The following FRY variants were observed in gnomAD, a reference collection of about 807,000 sequenced individuals.
FRY encodes protein furry homolog.
Under a neutral mutation model 348.4 loss-of-function variants are expected in FRY, and 128 were observed. The ratio of observed to expected loss-of-function variants is 0.37; its 90% CI spans 0.32 to 0.43. The LOEUF (loss-of-function observed/expected upper bound fraction) is 0.43. FRY is among the 20% of genes least tolerant of loss of function. FRY has a pLI of 1.00. For missense variants in FRY, 2,736 were observed against 3,695.2 expected (o/e 0.74, Z 6.73); for synonymous variants, 1,370 against 1,374.7 (o/e 1.00, Z 0.08).
chr13:32,160,931 G>A (rs1216565568), intron 16 of FRY, among the ~76,000 whole-genome samples: 1 of 152,144 alleles, frequency 6.6e-6, no homozygotes, highest in African/African-American at 2.4e-5. Context: ...TTTCTTTTCA[G>A]ATATATACCT....
At chr13:32,069,604 G>A (rs868564080) in intron 1 of FRY, among the ~76,000 whole-genome samples, 1 of 152,168 alleles carries the variant, frequency 6.6e-6, no homozygotes, top group South Asian at 2.1e-4. Context: ...ATATTATTCA[G>A]CCTTAACAAG....
intron 1 of FRY, among the ~76,000 whole-genome samples, chr13:32,053,621 AC>A (rs1303433612): frequency 6.6e-6 from 1 of 152,228 alleles, no homozygotes; most frequent in Non-Finnish European, 1.5e-5. Flanking sequence ...CAGAGTCCAT[AC>A]TTGGCCTCAT....
intron 1 of FRY, among the ~76,000 whole-genome samples, chr13:32,033,921 G>A (rs1234015046): frequency 3.3e-5 from 5 of 152,214 alleles, no homozygotes; most frequent in Non-Finnish European, 5.9e-5. Context: ...CATATTTTGA[G>A]CAGCAAAGAG....
At chr13:32,141,969 GTTAA>G (rs1269795132) in intron 11 of FRY, among the ~76,000 whole-genome samples, 1 of 152,038 alleles carries the variant, frequency 6.6e-6, no homozygotes, top group Non-Finnish European at 1.5e-5. Flanking sequence ...TTAATTATTG[GTTAA>G]TTAATTAAGG....
chr13:32,192,687 T>G (rs2138290464), intron 28 of FRY, among the ~76,000 whole-genome samples: 1 of 151,692 alleles, frequency 6.6e-6, no homozygotes, highest in East Asian at 1.9e-4. Context: ...TTCCACCTGG[T>G]TTCAACTGAC....
chr13:32,125,469 G>A (rs1878962312), intron 7 of FRY, among the ~76,000 whole-genome samples: 1 of 152,132 alleles, frequency 6.6e-6, no homozygotes, highest in African/African-American at 2.4e-5. Flanking sequence ...GCTTCATTTT[G>A]TCCAACCCTG....
chr13:32,161,186 T>G lies in FRY; in HGVS notation c.1827T>G (p.Val609=), dbSNP rs375331321. 6.2e-7 allele frequency: 1 copy of G among 1,613,628 alleles called. No homozygotes were observed. Among genetic ancestry groups the G allele is most frequent in the African/African-American group, 1.3e-5 (1 of 74,938 alleles). Residue 609 remains valine (V), a synonymous_variant, in exon 17 of 61, where the codon GTT becomes GTG. Coordinates refer to ENST00000542859, the MANE Select transcript of FRY (RefSeq NM_023037.3). Reference sequence around the variant, plus strand: ...AAATAGATCTTTTCAGGACCTGTGTTGCTGCTATTCCTCGACTGCTTCCTG... The same window carrying G: ...AAATAGATCTTTTCAGGACCTGTGTGGCTGCTATTCCTCGACTGCTTCCTG... The part of the protein sequence containing the change: ...KPKIDLFRTC[V]AAIPRLLPDG...
intron 1 of FRY, among the ~76,000 whole-genome samples, chr13:32,056,285 C>G (rs1207492601): frequency 1.3e-5 from 2 of 151,936 alleles, no homozygotes; most frequent in African/African-American, 4.8e-5. Context: ...TTCACACAGT[C>G]TGTGCCCAAT....
At chr13:32,267,886 T>A (rs554780558) in intron 55 of FRY, among the ~76,000 whole-genome samples, 203 of 152,358 alleles carry the variant, frequency 1.3e-3, no homozygotes, top group African/African-American at 4.5e-3. Flanking sequence ...TTTTATGAAA[T>A]GGGAACATGC....
chr13:32,188,872 G>A (rs1305211206), intron 28 of FRY, among the ~76,000 whole-genome samples: 4 of 151,984 alleles, frequency 2.6e-5, no homozygotes, highest in Non-Finnish European at 4.4e-5. Flanking sequence ...TTTGGTGCCC[G>A]TCACATGGAA....
rs1357125651 is a variant in FRY, at chr13:32,250,616, G to A, written c.7170+929G>A. Among the ~76,000 whole-genome samples, 3 of 152,328 alleles carry A rather than the reference G, an allele frequency of 2.0e-5. No individual in the cohort carries two copies. The East Asian group carries it at 5.8e-4, about 29-fold the overall frequency. ...AATTCTGAAAGATCTTGCAGGACAT[G>A]CGAGGGAGGCATAGCCTCACTTAGT... On this transcript the variant is annotated intron_variant, in intron 49 of 60. Coordinates refer to ENST00000542859, the MANE Select transcript of FRY (RefSeq NM_023037.3).
chr13:32,262,403 T>A lies in FRY; in HGVS notation c.7707T>A (p.Phe2569Leu), dbSNP rs1566177739. 1.2e-6 allele frequency: 2 copies of A among 1,613,536 alleles called. No homozygotes were observed. The highest frequency in any genetic ancestry group is 2.2e-5 in the East Asian group (1 of 44,876). ...CGACCCCTGCAGAACCTCATTCCTTTAACACCAGAATGTCCAGCTTTGATG... is the reference window on the plus strand; with the variant it reads ...CGACCCCTGCAGAACCTCATTCCTTAAACACCAGAATGTCCAGCTTTGATG... ...CDSTPAEPHS[F>L]NTRMSSFDAS... is the part of the protein sequence containing the mutation. The change falls in exon 53 of 61, where the codon TTT (phenylalanine) becomes TTA (leucine). Residue 2569 changes from phenylalanine to leucine, a missense_variant. By Grantham distance (22) the Phe-to-Leu change is conservative. Around this residue, in one of 9 missense-constraint regions of FRY, gnomAD observed 789 missense variants for 996.2 expected, o/e 0.79. Coordinates refer to ENST00000542859, the MANE Select transcript of FRY (RefSeq NM_023037.3).
chr13:32,161,390 T>A, intron 17 of FRY, 139 bp downstream of exon 17: 2 of 694,448 alleles, frequency 2.9e-6, no homozygotes, highest in Non-Finnish European at 5.1e-6. Flanking sequence ...AACAAATTTT[T>A]AAAAATTATT....
At chr13:32,179,285 C>T (rs1291019561) in intron 22 of FRY, among the ~76,000 whole-genome samples, 1 of 152,118 alleles carries the variant, frequency 6.6e-6, no homozygotes, top group South Asian at 2.1e-4. Flanking sequence ...TGTATTTATT[C>T]GTGCCCTGAG....
intron 55 of FRY, 92 bp downstream of exon 55, chr13:32,267,451 G>A: frequency 9.2e-7 from 1 of 1,087,514 alleles, no homozygotes. Context: ...TCTGTTCTGG[G>A]GTTATACTAC....
At chr13:32,107,198 A>G (rs1272309129) in intron 3 of FRY, among the ~76,000 whole-genome samples, 1 of 152,116 alleles carries the variant, frequency 6.6e-6, no homozygotes, top group Non-Finnish European at 1.5e-5. Context: ...CTCTACTAAA[A>G]ATACAAAAAT....
intron 21 of FRY, 82 bp from the exon 22 acceptor site, chr13:32,178,762 A>G: frequency 4.2e-6 from 4 of 945,744 alleles, no homozygotes; most frequent in Admixed American, 3.5e-5. Context: ...CTATTTGAGT[A>G]CTTCCTATGA....
chr13:32,057,375 T>C (rs940500466), intron 1 of FRY, among the ~76,000 whole-genome samples: 5 of 152,000 alleles, frequency 3.3e-5, no homozygotes, highest in African/African-American at 1.2e-4. Context: ...TTTCACCATA[T>C]TAGCCAGGCT....
At chr13:32,170,630 A>C (rs1409397569) in intron 17 of FRY, among the ~76,000 whole-genome samples, 5 of 152,112 alleles carry the variant, frequency 3.3e-5, no homozygotes, top group Non-Finnish European at 4.4e-5. Flanking sequence ...TCAGCCTCCC[A>C]GGTTCATGCC....
Sources: gnomAD v4.1 joint callset for allele counts (sites outside exome capture counted in the v4.1 genomes callset) on GRCh38, gnomAD v4.1.1 for gene constraint, gnomAD v4.1.1 regional missense constraint, MANE v1.5 for transcripts, NCBI Gene and HGNC (gene_info 2026-07-23, HGNC 2026-07-21) for gene names.